GLIS3: variants seen among roughly 807,000 people sequenced by gnomAD.
GLIS3 encodes the protein GLIS family zinc finger 3, also known as zinc finger protein GLIS3.
A neutral mutation model predicts 78.6 loss-of-function variants in GLIS3; 53 were observed. The ratio of observed to expected loss-of-function variants is 0.67; its 90% CI spans 0.54 to 0.85. GLIS3 has a LOEUF of 0.85. GLIS3 is among the 40% of genes least tolerant of loss of function. The probability of loss-of-function intolerance (pLI) is 0.00; values close to 1 mark genes in which losing one functional copy is unlikely to be tolerated. For synonymous variants in GLIS3, 684 were observed against 509.9 expected, an observed-to-expected ratio of 1.34 and a Z score of -4.60; for missense variants, 1,703 against 1,231.1, an observed-to-expected ratio of 1.38 and a Z score of -5.74.
In GLIS3 at chr9:4,052,852, T is replaced by C. The variant is rs578176288; in HGVS notation, c.1710+64916A>G. On this transcript the variant is annotated intron_variant, in intron 4 of 10. Coordinates refer to ENST00000381971, the MANE Select transcript of GLIS3 (RefSeq NM_001042413.2). ...AGGTATATATACCTAGGAGTAGAAT[T>C]GCTGGGTCACATAGTAATTCTGTTT... 5.6e-4 allele frequency among the ~76,000 whole-genome samples: 85 copies of C among 152,322 alleles called. 1 individual carries two copies. Among genetic ancestry groups the C allele is most frequent in the African/African-American group, 1.8e-3 (76 of 41,586 alleles).
the GLIS3 span, among the ~76,000 whole-genome samples, chr9:4,460,774 A>T: frequency 6.6e-6 from 1 of 152,070 alleles, no homozygotes; most frequent in East Asian, 1.9e-4. Context: ...TGCTGTGGGG[A>T]TTTGTCCTTG....
intron 4 of GLIS3, among the ~76,000 whole-genome samples, chr9:3,961,963 G>A (rs1379731373): frequency 6.6e-6 from 1 of 152,162 alleles, no homozygotes; most frequent in Non-Finnish European, 1.5e-5. Flanking sequence ...CTAGCACTTT[G>A]GGAGGCCGAG....
rs1822341005 is a variant in GLIS3, at chr9:3,890,225, C to G, written c.2128+8466G>C. ...CAGTTTACAAGCAGGCAATGGCACT[C>G]TGTACAACCAGTATAAGGATACTTC... On this transcript the variant is annotated intron_variant, in intron 7 of 10. Transcript: ENST00000381971. Among the ~76,000 whole-genome samples, 5 of 152,298 alleles carry G rather than the reference C, an allele frequency of 3.3e-5. No homozygotes were observed. In the Middle Eastern group the frequency reaches 0.017, roughly 518 times the overall value.
the GLIS3 span, among the ~76,000 whole-genome samples, chr9:4,460,253 G>A: frequency 5.9e-5 from 9 of 152,106 alleles, no homozygotes; most frequent in African/African-American, 2.2e-4. Flanking sequence ...AAAGAAAGAT[G>A]ACATCTGCAT....
chr9:4,121,503 A>G (rs551198551), intron 3 of GLIS3, among the ~76,000 whole-genome samples: 1 of 152,310 alleles, frequency 6.6e-6, no homozygotes, highest in African/African-American at 2.4e-5. Flanking sequence ...GCACTCACAA[A>G]GCATTTTCCC....
At chr9:4,107,131 C>G (rs992125884) in intron 4 of GLIS3, among the ~76,000 whole-genome samples, 1 of 152,234 alleles carries the variant, frequency 6.6e-6, no homozygotes, top group East Asian at 1.9e-4. Context: ...GAGACCAGGT[C>G]GCCACTCATG....
At chr9:4,064,123 G>T (rs889771360) in intron 4 of GLIS3, among the ~76,000 whole-genome samples, 1 of 151,544 alleles carries the variant, frequency 6.6e-6, no homozygotes, top group African/African-American at 2.4e-5. Context: ...TATGCTAAAG[G>T]TATCATATTG....
intron 8 of GLIS3, among the ~76,000 whole-genome samples, chr9:3,873,091 T>C (rs772221537): frequency 2.6e-5 from 4 of 152,080 alleles, no homozygotes; most frequent in Non-Finnish European, 5.9e-5. Context: ...GGAATCAGTA[T>C]TAAAAAGTCT....
intron 4 of GLIS3, among the ~76,000 whole-genome samples, chr9:4,058,305 A>G (rs941157570): frequency 6.6e-6 from 1 of 152,098 alleles, no homozygotes; most frequent in East Asian, 1.9e-4. Context: ...CACATACACA[A>G]TAAGGCATAA....
rs577720738 is a variant in GLIS3, at chr9:4,341,731, A to C, written n.264+5350T>G. Among the ~76,000 whole-genome samples, 5 of 152,334 alleles carry C rather than the reference A, an allele frequency of 3.3e-5. No individual in the cohort carries two copies. In the East Asian group the frequency reaches 9.6e-4, roughly 29 times the overall value. On this transcript the variant is annotated intron_variant and non_coding_transcript_variant, in intron 2 of 4. Transcript: ENST00000471664. ...CAGGTACTCTGCCTTCCCTCCTATG[A>C]ACAAGCAATCAGTTCTAAGGAAAAT...
intron 2 of GLIS3, among the ~76,000 whole-genome samples, chr9:4,226,450 C>T (rs1050400247): frequency 1.2e-4 from 19 of 152,138 alleles, no homozygotes; most frequent in East Asian, 7.7e-4. Context: ...AACAGAAAGA[C>T]GAGCTCCTCC....
At chr9:4,053,882 C>A (rs1016872689) in intron 4 of GLIS3, among the ~76,000 whole-genome samples, 1 of 152,076 alleles carries the variant, frequency 6.6e-6, no homozygotes, top group African/African-American at 2.4e-5. Flanking sequence ...CCATCAAACA[C>A]GGCAATCTGT....
intron 1 of GLIS3, among the ~76,000 whole-genome samples, chr9:4,290,634 T>G (rs781612742): frequency 6.6e-5 from 10 of 152,140 alleles, no homozygotes; most frequent in Non-Finnish European, 1.3e-4. Context: ...TGAATGTTCT[T>G]AGATCCTAGG....
chr9:4,255,445 G>C (rs1000393601), intron 2 of GLIS3, among the ~76,000 whole-genome samples: 13 of 152,128 alleles, frequency 8.5e-5, no homozygotes, highest in African/African-American at 2.9e-4. Flanking sequence ...ATTCACAGTT[G>C]GCAGAACTTG....
the GLIS3 span, among the ~76,000 whole-genome samples, chr9:4,405,589 C>T: frequency 1.3e-5 from 2 of 152,132 alleles, no homozygotes; most frequent in East Asian, 1.9e-4. Flanking sequence ...AATAAAAAGT[C>T]TCCTAGTAAA....
chr9:4,425,844 A>T, the GLIS3 span, among the ~76,000 whole-genome samples: 1 of 152,164 alleles, frequency 6.6e-6, no homozygotes, highest in South Asian at 2.1e-4. Context: ...GGGAAGTTTT[A>T]CTTGTGAATC....
the GLIS3 span, among the ~76,000 whole-genome samples, chr9:4,432,982 T>G: frequency 2.6e-5 from 4 of 152,142 alleles, no homozygotes; most frequent in Non-Finnish European, 5.9e-5. Context: ...GGGTAAGCAA[T>G]GGGAGTTCAA....
upstream of GLIS3, among the ~76,000 whole-genome samples, chr9:4,353,322 T>G (rs535679505): frequency 2.6e-5 from 4 of 152,308 alleles, no homozygotes; most frequent in South Asian, 8.3e-4. Context: ...ATGAAATTGC[T>G]TGCTATATGA....
chr9:4,045,160 T>C (rs1825139005), intron 4 of GLIS3, among the ~76,000 whole-genome samples: 1 of 152,150 alleles, frequency 6.6e-6, no homozygotes, highest in Admixed American at 6.5e-5. Flanking sequence ...GATTCAATTT[T>C]GTGTTTCCAA....
Sources: gnomAD v4.1 joint callset for allele counts (sites outside exome capture counted in the v4.1 genomes callset) on GRCh38, gnomAD v4.1.1 for gene constraint, MANE v1.5 for transcripts, NCBI Gene and HGNC (gene_info 2026-07-23, HGNC 2026-07-21) for gene names.